The following RSPH14 variants were observed in gnomAD, a reference collection of about 807,000 sequenced individuals.
The protein encoded by RSPH14 is rhabdoid tumor deletion region gene 1.
Under a neutral mutation model 26.7 loss-of-function variants are expected in RSPH14, and 20 were observed. That is an observed-to-expected ratio of 0.75 (90% confidence interval 0.53 to 1.09). The LOEUF is 1.09. Ranked by LOEUF, RSPH14 falls within the 50% of genes least tolerant of loss-of-function variation. RSPH14 has a pLI of 0.00. For missense variants in RSPH14, 449 were observed against 457.2 expected (o/e 0.98, Z 0.16); for synonymous variants, 177 against 189.3 (o/e 0.93, Z 0.53).
At chr22:23,123,432 G>A (rs1222762946) in intron 4 of RSPH14, 1 of 1,602,036 alleles carries the variant, frequency 6.2e-7, no homozygotes, top group East Asian at 2.2e-5. Flanking sequence ...CCTTTGCTGA[G>A]GAGCTGGGCC....
intron 4 of RSPH14, among the ~76,000 whole-genome samples, chr22:23,098,786 C>T (rs1029486209): frequency 2.0e-5 from 3 of 152,264 alleles, no homozygotes; most frequent in East Asian, 1.9e-4. Flanking sequence ...CGATTCCTCC[C>T]GCAGGCTGGG....
At chr22:23,130,049 AAG>A (rs764764440) in intron 4 of RSPH14, among the ~76,000 whole-genome samples, 2 of 148,486 alleles carry the variant, frequency 1.3e-5, no homozygotes, top group Non-Finnish European at 3.0e-5. Context: ...GAGAGAAAGA[AAG>A]AGAAAGAAAA....
chr22:23,098,608 G>A (rs566196743), intron 4 of RSPH14, among the ~76,000 whole-genome samples: 1 of 152,374 alleles, frequency 6.6e-6, no homozygotes, highest in South Asian at 2.1e-4. Context: ...CCTGGTTTCT[G>A]CAGGCCTGGG....
At chr22:23,060,422 A>G (rs1013259354) in intron 6 of RSPH14, among the ~76,000 whole-genome samples, 10 of 151,856 alleles carry the variant, frequency 6.6e-5, no homozygotes, top group Admixed American at 6.5e-4. Context: ...GTGAGCCAAG[A>G]TGGTGCCACT....
At chr22:23,157,865 T>C in the RSPH14 span, 1 of 1,559,734 alleles carries the variant, frequency 6.4e-7, no homozygotes, top group African/African-American at 1.4e-5. Flanking sequence ...TTGTAGGAGG[T>C]TCCGGTGCTG....
chr22:23,130,017 A>T (rs1017577471), intron 4 of RSPH14, among the ~76,000 whole-genome samples: 3 of 150,850 alleles, frequency 2.0e-5, no homozygotes, highest in African/African-American at 7.3e-5. Context: ...GAAGGAAAAG[A>T]AGGAAAGAAA....
intron 4 of RSPH14, among the ~76,000 whole-genome samples, chr22:23,116,430 C>T (rs1044224092): frequency 5.3e-5 from 8 of 152,240 alleles, no homozygotes; most frequent in African/African-American, 1.7e-4. Flanking sequence ...GGAGGGAGAG[C>T]GCTTCAGAGC....
At chr22:23,088,319 C>G (rs1441599233) in intron 4 of RSPH14, among the ~76,000 whole-genome samples, 1 of 152,128 alleles carries the variant, frequency 6.6e-6, no homozygotes, top group Non-Finnish European at 1.5e-5. Context: ...GGGGTTGGAG[C>G]CTTACCCACT....
intron 4 of RSPH14, among the ~76,000 whole-genome samples, chr22:23,098,121 T>G (rs2146323084): frequency 6.6e-6 from 1 of 152,382 alleles, no homozygotes; most frequent in South Asian, 2.1e-4. Flanking sequence ...CCTGCAGCCC[T>G]CTTGGCTCTT....
intron 4 of RSPH14, among the ~76,000 whole-genome samples, chr22:23,086,337 C>T (rs1244054818): frequency 1.1e-4 from 16 of 152,140 alleles, no homozygotes; most frequent in Admixed American, 9.2e-4. Context: ...TTTCTACAGC[C>T]GTAAAGCCGA....
chr22:23,129,451 G>A, intron 4 of RSPH14, among the ~76,000 whole-genome samples: 1 of 152,030 alleles, frequency 6.6e-6, no homozygotes, highest in East Asian at 1.9e-4. Context: ...AGTGTTGGTG[G>A]ATGGCAGAAA....
chr22:23,161,429 C>A, the RSPH14 span: 1 of 1,337,636 alleles, frequency 7.5e-7, no homozygotes, highest in Non-Finnish European at 1.1e-6. Flanking sequence ...ACTGTCAGGG[C>A]CGGCATCCCC....
In RSPH14 at chr22:23,083,311, G is replaced by T. The variant is rs186807235; in HGVS notation, c.422-19178C>A. On this transcript the variant is annotated intron_variant, in intron 4 of 6. Coordinates refer to ENST00000216036, the MANE Select transcript of RSPH14 (RefSeq NM_014433.3). ...GGGAATCCAGTAGAGCTGGCCCACA[G>T]AGTCCCAGGGATATCACGGGCTCCA... Among the ~76,000 whole-genome samples the T allele has an allele frequency of 1.8e-3, 269 of 152,212 alleles. 1 individual carries two copies. Among genetic ancestry groups the T allele is most frequent in the African/African-American group, 4.8e-3 (201 of 41,522 alleles).
chr22:23,165,004 T>A, the RSPH14 span, among the ~76,000 whole-genome samples: 1 of 148,538 alleles, frequency 6.7e-6, no homozygotes, highest in South Asian at 2.2e-4. Flanking sequence ...ACACCCCTAC[T>A]CCCAGAGAGG....
chr22:23,105,497 T>C (rs1467997506), intron 4 of RSPH14, among the ~76,000 whole-genome samples: 1 of 152,196 alleles, frequency 6.6e-6, no homozygotes, highest in African/African-American at 2.4e-5. Flanking sequence ...CCTACAGGTG[T>C]GGGTCCGAGG....
At chr22:23,101,244 G>A (rs1021170005) in intron 4 of RSPH14, among the ~76,000 whole-genome samples, 6 of 151,510 alleles carry the variant, frequency 4.0e-5, no homozygotes, top group African/African-American at 1.2e-4. Flanking sequence ...TTCACATACC[G>A]CAGGGCTGAG....
chr22:23,166,903 A>T, the RSPH14 span, among the ~76,000 whole-genome samples: 1 of 152,110 alleles, frequency 6.6e-6, no homozygotes, highest in Non-Finnish European at 1.5e-5. Context: ...GAGTAGCAAG[A>T]GGCCACATTT....
At chr22:23,073,972 G>A (rs916397109) in intron 4 of RSPH14, among the ~76,000 whole-genome samples, 5 of 152,134 alleles carry the variant, frequency 3.3e-5, no homozygotes, top group Admixed American at 6.5e-5. Flanking sequence ...AGTGCTGGGT[G>A]AGTGGTGTGG....
chr22:23,127,679 G>A (rs899523687), intron 4 of RSPH14, among the ~76,000 whole-genome samples: 12 of 152,166 alleles, frequency 7.9e-5, no homozygotes, highest in African/African-American at 2.2e-4. Context: ...AGCAGCCCAC[G>A]TACCTGGGGT....
Sources: gnomAD v4.1 joint callset for allele counts (sites outside exome capture counted in the v4.1 genomes callset) on GRCh38, gnomAD v4.1.1 for gene constraint, MANE v1.5 for transcripts, NCBI Gene and HGNC (gene_info 2026-07-23, HGNC 2026-07-21) for gene names.